Variants in DSCAML1 observed in about 807,000 individuals in gnomAD.
DSCAML1 encodes cell adhesion molecule DSCAML1.
DSCAML1 carries 38 observed loss-of-function variants against 200.5 expected under a neutral mutation model. The ratio of observed to expected loss-of-function variants is 0.19; its 90% CI spans 0.15 to 0.25. The LOEUF is 0.25. DSCAML1 is among the 10% of genes least tolerant of loss of function. The pLI is 1.00. For synonymous variants in DSCAML1, 1,215 were observed against 1,165.0 expected, an observed-to-expected ratio of 1.04 and a Z score of -0.87; for missense variants, 2,223 against 2,858.8, an observed-to-expected ratio of 0.78 and a Z score of 5.07.
intron 3 of DSCAML1, among the ~76,000 whole-genome samples, chr11:117,648,214 T>C (rs570642009): frequency 1.3e-5 from 2 of 152,360 alleles, no homozygotes; most frequent in African/African-American, 4.8e-5. Flanking sequence ...ACCTGGTTTT[T>C]CTGCCCAGCT....
intron 3 of DSCAML1, among the ~76,000 whole-genome samples, chr11:117,761,220 C>A (rs1657601089): frequency 6.6e-6 from 1 of 152,134 alleles, no homozygotes; most frequent in Non-Finnish European, 1.5e-5. Context: ...ACACCCAGCC[C>A]CCGGAGAAGG....
intron 3 of DSCAML1, among the ~76,000 whole-genome samples, chr11:117,759,753 G>A (rs1190720138): frequency 6.6e-6 from 1 of 152,046 alleles, no homozygotes; most frequent in Non-Finnish European, 1.5e-5. Context: ...AGAAGGCCTC[G>A]CAGCCCCATA....
At chr11:117,767,371 T>A (rs1019120475) in intron 3 of DSCAML1, among the ~76,000 whole-genome samples, 1 of 152,178 alleles carries the variant, frequency 6.6e-6, no homozygotes, top group Non-Finnish European at 1.5e-5. Context: ...AAAGCACTTA[T>A]CACGGACGAG....
intron 3 of DSCAML1, among the ~76,000 whole-genome samples, chr11:117,746,835 T>G (rs1245814952): frequency 6.6e-6 from 1 of 152,114 alleles, no homozygotes; most frequent in Non-Finnish European, 1.5e-5. Flanking sequence ...CTGCTCAGGC[T>G]TCAGGACTCG....
intron 8 of DSCAML1, among the ~76,000 whole-genome samples, chr11:117,507,870 T>C (rs1400055792): frequency 2.6e-5 from 4 of 152,212 alleles, no homozygotes; most frequent in Non-Finnish European, 5.9e-5. Flanking sequence ...TTTTCCTGGG[T>C]TGGGACTCTG....
Position 117,437,352 on chromosome 11 carries a change from C to T in DSCAML1, c.4490G>A (p.Arg1497Gln), listed in dbSNP as rs377397845. ...ATTGTTCCAGCCCTGCAGGTTAAGC[C>T]GAGCATGCGTGGAGTTGATGTGGGT... ...LFTHINSTHA[R>Q]LNLQGWNNGG... Residue 1497 changes from arginine (R) to glutamine (Q), a missense_variant, in exon 26 of 33, where the codon CGG becomes CAG. Physicochemically the swap from Arg to Gln is conservative, Grantham distance 43. Transcript: ENST00000651296. This position sits in a 1 kb window ranked among gnomAD's most constrained non-coding sequence, Gnocchi z 5.3. The T allele has an allele frequency of 1.5e-5, 25 of 1,614,066 alleles. No homozygotes were observed. In the Admixed American group the frequency reaches 2.0e-4, roughly 13 times the overall value.
chr11:117,649,896 G>A (rs1013631010), intron 3 of DSCAML1, among the ~76,000 whole-genome samples: 23 of 152,094 alleles, frequency 1.5e-4, no homozygotes, highest in African/African-American at 4.1e-4. Context: ...TCTGCTCATC[G>A]GAACCATGGC....
intron 3 of DSCAML1, among the ~76,000 whole-genome samples, chr11:117,771,574 T>C (rs34236286): frequency 0.13 from 20,264 of 152,140 alleles, 1,527 homozygotes; most frequent in African/African-American, 0.19. Flanking sequence ...CCTCCTCCTA[T>C]GTGGAAACCT....
rs113638575 is a variant in DSCAML1 at position 117,469,662 on chromosome 11, G to C, written c.3024+248C>G. 6.4e-3 allele frequency among the ~76,000 whole-genome samples: 979 copies of C among 152,036 alleles called. 7 individuals are homozygous for C. The highest frequency in any genetic ancestry group is 0.023 in the African/African-American group (943 of 41,476). ...CCCTCCTTGGCACTGCAAGTTTTTC[G>C]TTCCACCCCAGGCAGAGCCTCCATC... On this transcript the variant is annotated intron_variant, in intron 16 of 32. Transcript: ENST00000651296. This position sits in a 1 kb window ranked among gnomAD's most constrained non-coding sequence, Gnocchi z 4.1.
intron 1 of DSCAML1, among the ~76,000 whole-genome samples, chr11:117,785,668 A>G (rs984721837): frequency 1.3e-5 from 2 of 152,166 alleles, no homozygotes; most frequent in Non-Finnish European, 2.9e-5. Flanking sequence ...TGTAGTCCTT[A>G]TGTCTAACTT....
At chr11:117,547,302 A>G (rs1459847953) in intron 3 of DSCAML1, among the ~76,000 whole-genome samples, 1 of 152,116 alleles carries the variant, frequency 6.6e-6, no homozygotes, top group Non-Finnish European at 1.5e-5. Context: ...AATAGAAATC[A>G]CTGTTATTAC....
At chr11:117,609,203 T>TAA (rs59810881) in intron 3 of DSCAML1, among the ~76,000 whole-genome samples, 2 of 139,322 alleles carry the variant, frequency 1.4e-5, no homozygotes. Flanking sequence ...TATCTCAATT[T>TAA]AAAAAAAAAA....
intron 2 of DSCAML1, among the ~76,000 whole-genome samples, chr11:117,778,543 C>T (rs763552890): frequency 5.9e-5 from 9 of 152,218 alleles, no homozygotes; most frequent in Non-Finnish European, 1.0e-4. Context: ...ATAAGAGCAG[C>T]GTATAAAAGG....
At chr11:117,514,459 T>C (rs1420496242) in intron 8 of DSCAML1, among the ~76,000 whole-genome samples, 4 of 151,538 alleles carry the variant, frequency 2.6e-5, no homozygotes, top group African/African-American at 7.3e-5. Flanking sequence ...CTCCAGCCTG[T>C]CCTTTCCCTG....
chr11:117,539,358 A>T (rs888822185), intron 3 of DSCAML1, among the ~76,000 whole-genome samples: 1 of 152,102 alleles, frequency 6.6e-6, no homozygotes, highest in Non-Finnish European at 1.5e-5. Context: ...CTATAATCCC[A>T]GTACTTTGGG....
In DSCAML1 at chr11:117,766,907, G is replaced by A. The variant is rs573336638; in HGVS notation, c.511+9884C>T. Among the ~76,000 whole-genome samples the A allele has an allele frequency of 4.0e-4, 61 of 152,208 alleles. 1 individual carries two copies. Among genetic ancestry groups the A allele is most frequent in the South Asian group, 3.1e-3 (15 of 4,822 alleles). ...TTGGAAGAAGTTCTAGGGAGCTGCGGGCATGTTCTCTGGGAGGGGGTGCTT... is the reference window on the plus strand; with the variant it reads ...TTGGAAGAAGTTCTAGGGAGCTGCGAGCATGTTCTCTGGGAGGGGGTGCTT... On this transcript the variant is annotated intron_variant, in intron 3 of 32. Coordinates refer to ENST00000651296, the MANE Select transcript of DSCAML1 (RefSeq NM_020693.4).
At chr11:117,590,882 G>A (rs898099549) in intron 3 of DSCAML1, among the ~76,000 whole-genome samples, 3 of 152,146 alleles carry the variant, frequency 2.0e-5, no homozygotes, top group Non-Finnish European at 4.4e-5. Context: ...CGGAAAATGG[G>A]CATACTGCTC....
upstream of DSCAML1, chr11:117,797,283 G>C (rs1019493402): frequency 7.5e-7 from 1 of 1,337,224 alleles, no homozygotes; most frequent in African/African-American, 1.5e-5. Flanking sequence ...CTAGGCGGCC[G>C]CTCTCCCCGC....
rs866576496 is a variant in DSCAML1, at chr11:117,650,698, T to C, written c.512-118176A>G. Among the ~76,000 whole-genome samples, 137 of 106,426 alleles carry C rather than the reference T, an allele frequency of 1.3e-3. 1 individual carries two copies. Among genetic ancestry groups the C allele is most frequent in the African/African-American group, 2.5e-3 (83 of 33,518 alleles). 69.8% of individuals were successfully genotyped at this position (106,426 alleles called of 152,430 possible). ...GTGTGTGTGTGTGTGTGTGTGTGTG[T>C]GTGCGTGTGTGTGTGTGGTGGGGAT... On this transcript the variant is annotated intron_variant, in intron 3 of 32. Coordinates refer to ENST00000651296, the MANE Select transcript of DSCAML1 (RefSeq NM_020693.4).
Sources: allele counts gnomAD v4.1 joint callset (sites outside exome capture counted in the v4.1 genomes callset), GRCh38; gene constraint gnomAD v4.1.1; non-coding constraint Gnocchi (gnomAD v3.1); transcripts MANE v1.5; gene names NCBI Gene and HGNC (gene_info 2026-07-23, HGNC 2026-07-21).